ZC3H14: variants seen among roughly 807,000 people sequenced by gnomAD.
ZC3H14 encodes the protein zinc finger CCCH-type containing 14.
A neutral mutation model predicts 92.4 loss-of-function variants in ZC3H14; 31 were observed. The ratio of observed to expected loss-of-function variants is 0.34; its 90% CI spans 0.25 to 0.45. The LOEUF (loss-of-function observed/expected upper bound fraction) is 0.45. ZC3H14 is among the 20% of genes least tolerant of loss of function. The pLI is 1.00. For missense variants in ZC3H14, 781 were observed against 897.3 expected, an observed-to-expected ratio of 0.87 and a Z score of 1.66; for synonymous variants, 321 against 300.9, an observed-to-expected ratio of 1.07 and a Z score of -0.69.
intron 9 of ZC3H14, among the ~76,000 whole-genome samples, chr14:88,582,169 T>A (rs745808535): frequency 2.0e-5 from 3 of 152,212 alleles, no homozygotes; most frequent in Non-Finnish European, 4.4e-5. Context: ...TTTCAGCTGA[T>A]AAGAGAACAA....
chr14:88,611,137 T>C (rs1413338184), intron 16 of ZC3H14, among the ~76,000 whole-genome samples, 197 bp downstream of exon 16: 1 of 152,182 alleles, frequency 6.6e-6, no homozygotes, highest in Non-Finnish European at 1.5e-5. Flanking sequence ...AGTGGTTACT[T>C]TTTTAACCTA....
At position 88,625,492 on chromosome 14, in the gene ZC3H14, C is replaced by T. The variant is rs1485525735; in HGVS notation, c.*13741C>T. ...TCTCAGCTCACCACAACCTCTGCTT[C>T]CCAGGTTCAAGTGATTCTCCTGTCT... On this transcript the variant is annotated 3_prime_UTR_variant, in exon 17 of 17. Transcript: ENST00000251038. 3 of 159,100 alleles carry T rather than the reference C, an allele frequency of 1.9e-5. No individual in the cohort carries two copies. Among genetic ancestry groups the T allele is most frequent in the African/African-American group, 7.2e-5 (3 of 41,536 alleles). 9.9% of individuals were successfully genotyped at this position (159,100 alleles called of 1,614,324 possible).
intron 2 of ZC3H14, among the ~76,000 whole-genome samples, chr14:88,567,331 G>A (rs1357987988): frequency 6.6e-6 from 1 of 151,290 alleles, no homozygotes; most frequent in East Asian, 1.9e-4. Context: ...TAGCCAGGAT[G>A]GTCTCAATCT....
intron 14 of ZC3H14, 70 bp from the exon 15 acceptor site, chr14:88,609,642 A>G (rs1269784524): frequency 2.6e-6 from 4 of 1,559,412 alleles, no homozygotes; most frequent in Non-Finnish European, 3.5e-6. Flanking sequence ...CAAAAAAAAC[A>G]TCAGTAGACT....
chr14:88,611,821 A>C lies in ZC3H14; in HGVS notation c.*70A>C. 1 of 1,598,970 alleles carries C rather than the reference A, an allele frequency of 6.3e-7. No individual in the cohort carries two copies. The highest frequency in any genetic ancestry group is 8.6e-7 in the Non-Finnish European group (1 of 1,168,702). On this transcript the variant is annotated 3_prime_UTR_variant, in exon 17 of 17. Transcript: ENST00000251038. ...CATGTACTGATGAAAGATACTCTACAGAACTTGTCAAATCTTTGAAACTTG... is the reference window on the plus strand; with the variant it reads ...CATGTACTGATGAAAGATACTCTACCGAACTTGTCAAATCTTTGAAACTTG...
chr14:88,563,290 G>C, intron 1 of ZC3H14, 121 bp downstream of exon 1: 1 of 1,531,848 alleles, frequency 6.5e-7, no homozygotes, highest in Admixed American at 2.0e-5. Flanking sequence ...GACGCTCCTG[G>C]CGGGCTGCGG....
Position 88,627,361 on chromosome 14 carries a change from C to A in ZC3H14, c.*15610C>A. On this transcript the variant is annotated 3_prime_UTR_variant, in exon 17 of 17. Transcript: ENST00000251038. ...TTTCATAAGAATCTCCAAAACCAAT[C>A]AAATCATTAATAATAAATACATAGT... The A allele has an allele frequency of 2.2e-6, 1 of 450,232 alleles. No homozygotes were observed. The highest frequency in any genetic ancestry group is 3.9e-6 in the Non-Finnish European group (1 of 255,934). The allele number at this position is 450,232 out of a possible 1,614,324, so 27.9% of individuals were successfully genotyped here.
intron 9 of ZC3H14, among the ~76,000 whole-genome samples, chr14:88,592,732 C>A (rs1236173380): frequency 1.3e-5 from 2 of 151,918 alleles, no homozygotes; most frequent in African/African-American, 4.8e-5. Flanking sequence ...AACTCCTGAC[C>A]TCAAGTGATC....
intron 9 of ZC3H14, among the ~76,000 whole-genome samples, chr14:88,585,209 A>G (rs531110046): frequency 6.6e-6 from 1 of 152,200 alleles, no homozygotes; most frequent in African/African-American, 2.4e-5. Flanking sequence ...ATTTATTACA[A>G]TTACTGGTAT....
At chr14:88,607,519 T>A (rs2085641370) in intron 13 of ZC3H14, among the ~76,000 whole-genome samples, 156 bp downstream of exon 13, 1 of 132,320 alleles carries the variant, frequency 7.6e-6, no homozygotes, top group Admixed American at 8.0e-5. Flanking sequence ...TACCATCCCA[T>A]CTCACCCTGC....
intron 8 of ZC3H14, among the ~76,000 whole-genome samples, chr14:88,576,668 A>T (rs1006000251): frequency 6.6e-6 from 1 of 152,202 alleles, no homozygotes; most frequent in African/African-American, 2.4e-5. Flanking sequence ...TACTCTAAAA[A>T]GATTTAAGTT....
chr14:88,578,079 C>T lies in ZC3H14; in HGVS notation c.1218C>T (p.Pro406=). The T allele has an allele frequency of 1.9e-6, 3 of 1,613,980 alleles. No homozygotes were observed. Among genetic ancestry groups the T allele is most frequent in the South Asian group, 2.2e-5 (2 of 91,076 alleles). The change falls in exon 9 of 17, where the codon CCC becomes CCT. Residue 406 remains proline, a synonymous_variant. Transcript: ENST00000251038. ...AEVVQGQSRT[P]RISPPIKEEE... Reference sequence around the variant, plus strand: ...TGGTCCAGGGACAAAGTAGGACCCCCAGAATAAGTCCCCCCATTAAAGAAG... The same window carrying T: ...TGGTCCAGGGACAAAGTAGGACCCCTAGAATAAGTCCCCCCATTAAAGAAG...
In ZC3H14 at chr14:88,619,253, T is replaced by C. The variant is rs1046057660; in HGVS notation, c.*7502T>C. The C allele has an allele frequency of 1.3e-5, 2 of 153,006 alleles. No individual in the cohort carries two copies. The highest frequency in any genetic ancestry group is 4.8e-5 in the African/African-American group (2 of 41,482). 9.5% of individuals were successfully genotyped at this position (153,006 alleles called of 1,614,324 possible). On this transcript the variant is annotated 3_prime_UTR_variant, in exon 17 of 17. Coordinates refer to ENST00000251038, the MANE Select transcript of ZC3H14 (RefSeq NM_024824.5). ...GGTGGTGCACGCCTGTAATCCCATC[T>C]ACTCGGGAGGCTGAAGCAGGAGAAT...
chr14:88,610,699 G>T (rs4899956), intron 15 of ZC3H14, 135 bp from the exon 16 acceptor site: 151,246 of 822,402 alleles, frequency 0.18, 18,380 homozygotes, highest in East Asian at 0.48. Context: ...AGCTACTCGG[G>T]AGACTGAGGC....
rs1161358992 is a variant in ZC3H14 at position 88,566,028 on chromosome 14, GCCCCC to G, written c.80-2003_80-1999del. ...GATTACAGGCACCTGCCACCACCCC[GCCCCC>G]CCCCCCCGGCTAATTTTTGTGTTTT... On this transcript the variant is annotated intron_variant, in intron 2 of 16. Transcript: ENST00000251038. Among the ~76,000 whole-genome samples the G allele has an allele frequency of 0.01, 28 of 2,710 alleles. 13 individuals are homozygous for G. The South Asian group carries it at 0.11, about 11-fold the overall frequency. The allele number at this position is 2,710 out of a possible 152,430, so 1.8% of individuals were successfully genotyped here. A position where few individuals can be genotyped will look rare whatever the true frequency, so the allele number is the denominator to read the frequency against.
chr14:88,573,297 G>A (rs2080705297), intron 6 of ZC3H14, among the ~76,000 whole-genome samples: 5 of 152,040 alleles, frequency 3.3e-5, no homozygotes, highest in South Asian at 4.2e-4. Flanking sequence ...GGAGAATGGC[G>A]TGAACCTGGG....
chr14:88,580,759 A>G (rs2081819620), intron 9 of ZC3H14, among the ~76,000 whole-genome samples: 1 of 152,334 alleles, frequency 6.6e-6, no homozygotes, highest in Non-Finnish European at 1.5e-5. Context: ...ACCCAGAACC[A>G]TAACACTAAG....
At chr14:88,592,060 A>G (rs1483872160) in intron 9 of ZC3H14, 1 of 152,220 alleles carries the variant, frequency 6.6e-6, no homozygotes, top group Admixed American at 6.5e-5. Flanking sequence ...GAGTCTTAGG[A>G]AGGGTCCTTG....
intron 5 of ZC3H14, 144 bp from the exon 6 acceptor site, chr14:88,572,434 C>A: frequency 8.6e-7 from 1 of 1,163,468 alleles, no homozygotes; most frequent in Admixed American, 2.4e-5. Context: ...AAAGAAAGTG[C>A]AATTTCAAAG....
Sources: allele counts gnomAD v4.1 joint callset (sites outside exome capture counted in the v4.1 genomes callset), GRCh38; gene constraint gnomAD v4.1.1; transcripts MANE v1.5; gene names NCBI Gene and HGNC (gene_info 2026-07-23, HGNC 2026-07-21).